Variants in PSMB9 observed in about 807,000 individuals in gnomAD.
The protein encoded by PSMB9 is proteasome subunit beta type-9.
A neutral mutation model predicts 26.9 loss-of-function variants in PSMB9; 16 were observed. The ratio of observed to expected loss-of-function variants is 0.59; its 90% CI spans 0.40 to 0.90. The LOEUF (loss-of-function observed/expected upper bound fraction) is 0.90. Among genes scored for constraint, PSMB9 ranks in the 40% least tolerant of loss-of-function variants. The pLI is 0.00. For synonymous variants in PSMB9, 91 were observed against 112.0 expected (o/e 0.81, Z 1.18); for missense variants, 253 against 292.2 (o/e 0.87, Z 0.98).
Position 32,859,674 on chromosome 6 carries a change from T to G in PSMB9, c.*142T>G. The G allele has an allele frequency of 1.0e-6, 1 of 972,630 alleles. No individual in the cohort carries two copies. Among genetic ancestry groups the G allele is most frequent in the Non-Finnish European group, 1.5e-6 (1 of 671,274 alleles). 60.2% of individuals were successfully genotyped at this position (972,630 alleles called of 1,614,324 possible). A position where few individuals can be genotyped will look rare whatever the true frequency, so the allele number is the denominator to read the frequency against. On this transcript the variant is annotated 3_prime_UTR_variant, in exon 6 of 6. Transcript: ENST00000374859. Reference sequence around the variant, plus strand: ...CCTCCTAGATGTCAGCATACACTCTTTCTTCTTTTGTCCCAGGTCTAAAAC... The same window carrying G: ...CCTCCTAGATGTCAGCATACACTCTGTCTTCTTTTGTCCCAGGTCTAAAAC...
Position 32,857,263 on chromosome 6 carries a change from C to G in PSMB9, c.129C>G (p.Gly43=), listed in dbSNP as rs551771315. 1 of 1,596,032 alleles carries G rather than the reference C, an allele frequency of 6.3e-7. No homozygotes were observed. The highest frequency in any genetic ancestry group is 8.5e-7 in the Non-Finnish European group (1 of 1,170,810). Residue 43 remains glycine, a splice_region_variant and synonymous_variant, in exon 3 of 6, where the codon GGC becomes GGG. Transcript: ENST00000374859. ...VMGSDSRVSA[G]EAVVNRVFDK... is the part of the protein sequence containing the mutation. ...GTGACTGTTGACTCCCTCCTGACAG[C>G]GAGGCGGTGGTGAACCGAGTGTTTG...
rs1171083107 is a variant in PSMB9, at chr6:32,854,220, C to T, written c.-10C>T. ...GCCCCAGGCGGCGAGGAGAGCGGTGCCTTGCAGGGATGCTGCGGGCGGGAG... is the reference window on the plus strand; with the variant it reads ...GCCCCAGGCGGCGAGGAGAGCGGTGTCTTGCAGGGATGCTGCGGGCGGGAG... On this transcript the variant is annotated 5_prime_UTR_variant, in exon 1 of 6. Transcript: ENST00000374859. The surrounding 1 kb of genome is among the most constrained non-coding windows in gnomAD (Gnocchi z 4.6). 6.5e-7 allele frequency: 1 copy of T among 1,545,934 alleles called. No individual in the cohort carries two copies. Among genetic ancestry groups the T allele is most frequent in the South Asian group, 1.2e-5 (1 of 83,608 alleles).
chr6:32,857,981 C>G lies in PSMB9; in HGVS notation c.261-24C>G, dbSNP rs777269345. 4.8e-5 allele frequency: 78 copies of G among 1,612,720 alleles called. No individual in the cohort carries two copies. In the African/African-American group the frequency reaches 1.0e-3, roughly 22 times the overall value. ...GAATGAGACTTAAAATTCTATCAAC[C>G]TTTATTCCTAATATTTCCCTCAGGA... On this transcript the variant is annotated intron_variant, in intron 3 of 5. Coordinates refer to ENST00000374859, the MANE Select transcript of PSMB9 (RefSeq NM_002800.5).
chr6:32,857,629 C>T (rs2127398873), intron 3 of PSMB9: 1 of 527,902 alleles, frequency 1.9e-6, no homozygotes, highest in East Asian at 3.0e-5. Flanking sequence ...AGTTTAAAAG[C>T]TGTAAATCAC....
At chr6:32,856,018 C>A in intron 1 of PSMB9, 120 bp from the exon 2 acceptor site, 1 of 827,284 alleles carries the variant, frequency 1.2e-6, no homozygotes. Flanking sequence ...TCAGCTCTGG[C>A]CTGTTACTGT....
intron 3 of PSMB9, 87 bp from the exon 4 acceptor site, chr6:32,857,918 A>G (rs1192327164): frequency 5.9e-6 from 9 of 1,522,758 alleles, no homozygotes; most frequent in African/African-American, 1.4e-5. Flanking sequence ...TACAGTTTTC[A>G]GGGGTCGTTT....
chr6:32,856,051 C>T (rs1198496989), intron 1 of PSMB9, 87 bp from the exon 2 acceptor site: 24 of 1,223,498 alleles, frequency 2.0e-5, no homozygotes, highest in Admixed American at 3.9e-5. Flanking sequence ...CCAGTCACTT[C>T]GCCTCTCTGG....
chr6:32,856,043 A>T, intron 1 of PSMB9, 95 bp from the exon 2 acceptor site: 1 of 1,119,542 alleles, frequency 8.9e-7, no homozygotes. Context: ...TCTTTGAGCC[A>T]GTCACTTCGC....
chr6:32,856,327 C>G, intron 2 of PSMB9, 122 bp downstream of exon 2: 1 of 958,960 alleles, frequency 1.0e-6, no homozygotes, highest in Middle Eastern at 3.1e-4. Context: ...GTTGACCTTC[C>G]CCAAAAGCCA....
chr6:32,857,439 C>A, intron 3 of PSMB9, 45 bp downstream of exon 3: 1 of 1,591,814 alleles, frequency 6.3e-7, no homozygotes, highest in Non-Finnish European at 8.5e-7. Context: ...TAGAGCTCCC[C>A]CAACCTGCAT....
chr6:32,855,616 C>T (rs241420), intron 1 of PSMB9, among the ~76,000 whole-genome samples: 3,758 of 151,838 alleles, frequency 0.025, 80 homozygotes, highest in African/African-American at 0.037. Flanking sequence ...CTGCCCTCCT[C>T]GATTTTTTCC....
In PSMB9 at chr6:32,858,415, G is replaced by A; in HGVS notation, c.442G>A (p.Gly148Ser). The change falls in exon 5 of 6, where the codon GGC (glycine) becomes AGC (serine). Residue 148 changes from glycine to serine, a missense_variant. Physicochemically the swap from Gly to Ser is moderately conservative, Grantham distance 56. Coordinates refer to ENST00000374859, the MANE Select transcript of PSMB9 (RefSeq NM_002800.5). The surrounding 1 kb of genome is among the most constrained non-coding windows in gnomAD (Gnocchi z 5.2). ...GACTCGACAGCCTTTTGCCATTGGT[G>A]GCTCCGGCAGCACCTTTATCTATGG... Reference protein sequence around the residue: ...MLTRQPFAIGGSGSTFIYGYV... With the variant: ...MLTRQPFAIGSSGSTFIYGYV... 6.2e-7 allele frequency: 1 copy of A among 1,612,998 alleles called. No individual in the cohort carries two copies. Among genetic ancestry groups the A allele is most frequent in the Non-Finnish European group, 8.5e-7 (1 of 1,180,012 alleles).
chr6:32,859,017 G>A (rs115273200), intron 5 of PSMB9: 3,276 of 206,008 alleles, frequency 0.016, 103 homozygotes, highest in African/African-American at 0.07. Flanking sequence ...GCACCACTGC[G>A]CTGCAGCCTA....
chr6:32,856,322 C>T, intron 2 of PSMB9, 117 bp downstream of exon 2: 3 of 1,052,568 alleles, frequency 2.9e-6, no homozygotes, highest in Non-Finnish European at 4.2e-6. Flanking sequence ...ATGGAGTTGA[C>T]CTTCCCCAAA....
chr6:32,857,778 C>A (rs902083359), intron 3 of PSMB9: 7 of 587,412 alleles, frequency 1.2e-5, no homozygotes, highest in African/African-American at 3.7e-5. Flanking sequence ...GTCCTTGCAG[C>A]CAAAAGAAAG....
chr6:32,858,353 C>G lies in PSMB9; in HGVS notation c.391-11C>G, dbSNP rs1387121097. Reference sequence around the variant, plus strand: ...CTTGATGATTCTTTAACCTGAGGATCCCTTTCCCAGGTATATGGAACCCTG... The same window carrying G: ...CTTGATGATTCTTTAACCTGAGGATGCCTTTCCCAGGTATATGGAACCCTG... On this transcript the variant is annotated splice_polypyrimidine_tract_variant and intron_variant, in intron 4 of 5. Coordinates refer to ENST00000374859, the MANE Select transcript of PSMB9 (RefSeq NM_002800.5). The surrounding 1 kb of genome is among the most constrained non-coding windows in gnomAD (Gnocchi z 5.2). 2.5e-6 allele frequency: 4 copies of G among 1,612,826 alleles called. No homozygotes were observed. Among genetic ancestry groups the G allele is most frequent in the Non-Finnish European group, 3.4e-6 (4 of 1,179,906 alleles).
intron 1 of PSMB9, among the ~76,000 whole-genome samples, chr6:32,855,136 G>T (rs1185505970): frequency 6.6e-6 from 1 of 152,212 alleles, no homozygotes; most frequent in Non-Finnish European, 1.5e-5. Context: ...GTAACTTACG[G>T]CCTGGTAAGA....
In PSMB9 at chr6:32,857,388, T is replaced by C; in HGVS notation, c.254T>C (p.Leu85Pro). 1.2e-6 allele frequency: 2 copies of C among 1,612,144 alleles called. No individual in the cohort carries two copies. Among genetic ancestry groups the C allele is most frequent in the Non-Finnish European group, 1.7e-6 (2 of 1,179,946 alleles). Reference sequence around the variant, plus strand: ...GACATGGCCGCCTACCAGCTGGAGCTCCATGGGTATGAAGCTCTGGAGTTC... The same window carrying C: ...GACATGGCCGCCTACCAGCTGGAGCCCCATGGGTATGAAGCTCTGGAGTTC... ...VADMAAYQLE[L>P]HGIELEEPPL... The change falls in exon 3 of 6, where the codon CTC becomes CCC. Residue 85 changes from leucine (L) to proline (P), a missense_variant. Transcript: ENST00000374859.
chr6:32,856,255 A>G (rs1024594211), intron 2 of PSMB9, 50 bp downstream of exon 2: 3 of 1,544,604 alleles, frequency 1.9e-6, no homozygotes, highest in African/African-American at 1.4e-5. Context: ...AATGGCCTCA[A>G]ATACACACTT....
Sources: allele counts gnomAD v4.1 joint callset (sites outside exome capture counted in the v4.1 genomes callset), GRCh38; gene constraint gnomAD v4.1.1; non-coding constraint Gnocchi (gnomAD v3.1); transcripts MANE v1.5; gene names NCBI Gene and HGNC (gene_info 2026-07-23, HGNC 2026-07-21).